The following KCNH2 variants were observed in gnomAD, a reference collection of about 807,000 sequenced individuals.
KCNH2 encodes the protein voltage-gated inwardly rectifying potassium channel KCNH2.
In KCNH2, 35 loss-of-function variants were observed where a neutral mutation model predicts 95.9. The ratio of observed to expected loss-of-function variants is 0.37; its 90% CI spans 0.28 to 0.48. KCNH2 has a LOEUF of 0.48. KCNH2 is among the 20% of genes least tolerant of loss of function. KCNH2 has a pLI of 0.99. For missense variants in KCNH2, 1,274 were observed against 1,702.9 expected, an observed-to-expected ratio of 0.75 and a Z score of 4.43; for synonymous variants, 786 against 754.7, an observed-to-expected ratio of 1.04 and a Z score of -0.68.
intron 2 of KCNH2, among the ~76,000 whole-genome samples, chr7:150,969,274 T>A (rs1353469424): frequency 1.3e-5 from 2 of 152,172 alleles, no homozygotes; most frequent in Non-Finnish European, 2.9e-5. Flanking sequence ...GAATCCTGCC[T>A]TTCACAGGGC....
In KCNH2 at chr7:150,946,982, C is replaced by T. The variant is rs778119775; in HGVS notation, c.3225G>A (p.Pro1075=). The T allele has an allele frequency of 8.1e-6, 13 of 1,609,822 alleles. No individual in the cohort carries two copies. The highest frequency in any genetic ancestry group is 5.5e-5 in the South Asian group (5 of 90,764). ...GGGTGGTCACAGCACTGTAGGCGGG[C>T]GGGACCAGCGTCATCTGCCTCTGTA... ...QLLQRQMTLV[P]PAYSAVTTPG... is the part of the protein sequence containing the mutation. The change falls in exon 14 of 15, where the codon CCG becomes CCA. Residue 1075 remains proline, a synonymous_variant. Transcript: ENST00000262186. The surrounding 1 kb of genome is among the most constrained non-coding windows in gnomAD (Gnocchi z 6.5).
Position 150,966,387 on chromosome 7 carries a change from C to A in KCNH2, c.308-6651G>T, listed in dbSNP as rs1307520794. Among the ~76,000 whole-genome samples, 17 of 57,710 alleles carry A rather than the reference C, an allele frequency of 2.9e-4. 3 individuals are homozygous for A. In the South Asian group the frequency reaches 0.016, roughly 55 times the overall value. 37.9% of individuals were successfully genotyped at this position (57,710 alleles called of 152,430 possible). A position where few individuals can be genotyped will look rare whatever the true frequency, so the allele number is the denominator to read the frequency against. The stretch of plus-strand genomic sequence containing the variant: ...TCCTCATTGATTTGCCCCCTCCCCC[C>A]CCCCCACACACACACACACACAGGA... On this transcript the variant is annotated intron_variant, in intron 2 of 14. Coordinates refer to ENST00000262186, the MANE Select transcript of KCNH2 (RefSeq NM_000238.4).
In KCNH2 at chr7:150,968,394, C is replaced by T. The variant is rs1010055104; in HGVS notation, c.307+6317G>A. On this transcript the variant is annotated intron_variant, in intron 2 of 14. Transcript: ENST00000262186. Reference sequence around the variant, plus strand: ...GAGTGGGTGGGTGAAGCGTGGCGGCCGCATGCCACTGAATACGCACCTACA... The same window carrying T: ...GAGTGGGTGGGTGAAGCGTGGCGGCTGCATGCCACTGAATACGCACCTACA... Among the ~76,000 whole-genome samples, 19 of 152,262 alleles carry T rather than the reference C, an allele frequency of 1.2e-4. 1 individual carries two copies. Among genetic ancestry groups the T allele is most frequent in the Middle Eastern group, 6.8e-3 (2 of 294 alleles).
Position 150,977,924 on chromosome 7 carries a change from TGGGCGGGCC to T in KCNH2, c.-20_-12del, listed in dbSNP as rs754605400. On this transcript the variant is annotated 5_prime_UTR_variant, in exon 1 of 15. Transcript: ENST00000262186. ...CCTCCGCACCGGCATCCTGAGCCCA[TGGGCGGGCC>T]GGGCGGGCCCCCACCCACCCCGGCC... 205 of 1,576,436 alleles carry T rather than the reference TGGGCGGGCC, an allele frequency of 1.3e-4. No individual in the cohort carries two copies. The highest frequency in any genetic ancestry group is 1.7e-4 in the Non-Finnish European group (196 of 1,162,006).
In KCNH2 at chr7:150,964,305, G is replaced by A. The variant is rs181327891; in HGVS notation, c.308-4569C>T. On this transcript the variant is annotated intron_variant, in intron 2 of 14. Coordinates refer to ENST00000262186, the MANE Select transcript of KCNH2 (RefSeq NM_000238.4). ...AATCACTAAGCACATCCGTGCCTGC[G>A]AAGTGTTGAGCCACCGTGACCAACA... 1.2e-4 allele frequency among the ~76,000 whole-genome samples: 19 copies of A among 152,160 alleles called. 1 individual carries two copies. Among genetic ancestry groups the A allele is most frequent in the South Asian group, 2.1e-4 (1 of 4,830 alleles).
Position 150,947,379 on chromosome 7 carries a change from G to C in KCNH2, c.3101C>G (p.Pro1034Arg). The change falls in exon 13 of 15, where the codon CCC becomes CGC. Residue 1034 changes from proline (P) to arginine (R), a missense_variant. This residue lies in a region of KCNH2 where 457 missense variants were observed against 416.1 expected (regional missense o/e 1.10). Coordinates refer to ENST00000262186, the MANE Select transcript of KCNH2 (RefSeq NM_000238.4). ...CAGCCTGCTCTCCACGTCGCCCCGG[G>C]GCCGCCGACCCGGGCTGGAGAGGGG... The part of the protein sequence containing the change: ...NIPLSSPGRR[P>R]RGDVESRLDA... 2 of 1,548,644 alleles carry C rather than the reference G, an allele frequency of 1.3e-6. No homozygotes were observed. The highest frequency in any genetic ancestry group is 1.7e-6 in the Non-Finnish European group (2 of 1,147,168).
rs750145862 is a variant in KCNH2, at chr7:150,945,380, C to T, written c.3465G>A (p.Ser1155=). 4.0e-5 allele frequency: 63 copies of T among 1,586,438 alleles called. No homozygotes were observed. The highest frequency in any genetic ancestry group is 5.3e-5 in the Non-Finnish European group (62 of 1,167,986). ...GGCAGCCCCACTAACTGCCCGGGTC[C>T]GAGCCGTGTCTGTGCAGGGGCTGGG... ...LTSQPLHRHG[S]DPGS The change falls in exon 15 of 15, where the codon TCG becomes TCA. Residue 1155 remains serine (S), a synonymous_variant. Coordinates refer to ENST00000262186, the MANE Select transcript of KCNH2 (RefSeq NM_000238.4). The surrounding 1 kb of genome is among the most constrained non-coding windows in gnomAD (Gnocchi z 5.6).
rs1563145696 is a variant in KCNH2 at position 150,947,377 on chromosome 7, GGGGCC to G, written c.3098_3102del (p.Arg1033ProfsTer84). Reference sequence around the variant, plus strand: ...TCCAGCCTGCTCTCCACGTCGCCCCGGGGCCGCCGACCCGGGCTGGAGAGGGGGAT... The same window carrying G: ...TCCAGCCTGCTCTCCACGTCGCCCCGGCCGACCCGGGCTGGAGAGGGGGAT... On this transcript the variant is annotated frameshift_variant, in exon 13 of 15. Transcript: ENST00000262186. LOFTEE classifies it high-confidence loss of function. 6.5e-7 allele frequency: 1 copy of G among 1,548,232 alleles called. No homozygotes were observed. Among genetic ancestry groups the G allele is most frequent in the Admixed American group, 2.0e-5 (1 of 50,978 alleles).
At chr7:150,955,896 C>T in intron 5 of KCNH2, 1 of 955,120 alleles carries the variant, frequency 1.0e-6, no homozygotes, top group South Asian at 4.8e-5. Flanking sequence ...CGGTGCCCAG[C>T]CAGCGGCCCC....
rs1801204801 is a variant in KCNH2, at chr7:150,952,318, C to CTCTCTT, written c.1557+106_1557+107insAAGAGA. On this transcript the variant is annotated intron_variant, in intron 6 of 14. Transcript: ENST00000262186. This position sits in a 1 kb window ranked among gnomAD's most constrained non-coding sequence, Gnocchi z 7.3. ...CCACTGTCTTTCTCTCTTTCTCTCT[C>CTCTCTT]TCTCTCTTTTTCTCTGTCCTCCTCG... 43 of 913,124 alleles carry CTCTCTT rather than the reference C, an allele frequency of 4.7e-5. No homozygotes were observed. The highest frequency in any genetic ancestry group is 6.1e-4 in the Middle Eastern group (2 of 3,278). The allele number at this position is 913,124 out of a possible 1,614,324, so 56.6% of individuals were successfully genotyped here.
intron 2 of KCNH2, among the ~76,000 whole-genome samples, chr7:150,967,982 A>C (rs1422111872): frequency 6.6e-6 from 1 of 152,254 alleles, no homozygotes; most frequent in East Asian, 1.9e-4. Context: ...AAAGGACATG[A>C]GCAGGCAATT....
chr7:150,971,109 T>C (rs1445086575), intron 2 of KCNH2, among the ~76,000 whole-genome samples: 1 of 151,944 alleles, frequency 6.6e-6, no homozygotes, highest in Non-Finnish European at 1.5e-5. Flanking sequence ...CAGGAAGAAA[T>C]GAAGAAGGCA....
At chr7:150,975,107 C>T (rs1241859115) in intron 1 of KCNH2, among the ~76,000 whole-genome samples, 166 bp from the exon 2 acceptor site, 1 of 152,022 alleles carries the variant, frequency 6.6e-6, no homozygotes, top group East Asian at 1.9e-4. Flanking sequence ...TGTGCGTGTG[C>T]CCCGATACAG....
intron 5 of KCNH2, chr7:150,955,697 C>T (rs147553213): frequency 5.8e-5 from 79 of 1,356,004 alleles, no homozygotes; most frequent in Non-Finnish European, 7.1e-5. Context: ...TGGCAGTAAG[C>T]GTGGGCAGCA....
intron 2 of KCNH2, among the ~76,000 whole-genome samples, chr7:150,963,938 A>G (rs1801635284): frequency 6.6e-6 from 1 of 152,068 alleles, no homozygotes; most frequent in African/African-American, 2.4e-5. Context: ...TCAGAACACA[A>G]CGCCGGCTTG....
chr7:150,975,846 G>A (rs1321241272), intron 1 of KCNH2, among the ~76,000 whole-genome samples: 1 of 152,206 alleles, frequency 6.6e-6, no homozygotes, highest in East Asian at 1.9e-4. Context: ...CTGGAGCCTG[G>A]GCGGGGCCTG....
chr7:150,958,988 G>C (rs1202031940), intron 3 of KCNH2, among the ~76,000 whole-genome samples: 3 of 152,248 alleles, frequency 2.0e-5, no homozygotes, highest in Admixed American at 6.5e-5. Flanking sequence ...TCATGATGCT[G>C]AGGGAAAGAT....
chr7:150,949,796 T>C, intron 9 of KCNH2: 2 of 1,217,946 alleles, frequency 1.6e-6, no homozygotes, highest in South Asian at 1.6e-5. Flanking sequence ...GGGCCAGGCA[T>C]GAGGCTGCAG....
In KCNH2 at chr7:150,945,387, T is replaced by G; in HGVS notation, c.3458A>C (p.His1153Pro). 1 of 1,591,012 alleles carries G rather than the reference T, an allele frequency of 6.3e-7. No homozygotes were observed. The highest frequency in any genetic ancestry group is 8.6e-7 in the Non-Finnish European group (1 of 1,169,376). Residue 1153 changes from histidine to proline, a missense_variant, in exon 15 of 15, where the codon CAC becomes CCC. Physicochemically the swap from His to Pro is moderately conservative, Grantham distance 77 (BLOSUM62 -2). Transcript: ENST00000262186. This position sits in a 1 kb window ranked among gnomAD's most constrained non-coding sequence, Gnocchi z 5.6. ...GALTSQPLHR[H>P]GSDPGS ...CCACTAACTGCCCGGGTCCGAGCCG[T>G]GTCTGTGCAGGGGCTGGGAGGTGAG...
Sources: allele counts gnomAD v4.1 joint callset (sites outside exome capture counted in the v4.1 genomes callset), GRCh38; gene constraint gnomAD v4.1.1; regional missense constraint gnomAD v4.1.1; non-coding constraint Gnocchi (gnomAD v3.1); transcripts MANE v1.5; gene names NCBI Gene and HGNC (gene_info 2026-07-23, HGNC 2026-07-21).